The following MUC5B variants were observed in gnomAD, a reference collection of about 807,000 sequenced individuals.
MUC5B encodes mucin-5B.
Under a neutral mutation model 376.9 loss-of-function variants are expected in MUC5B, and 116 were observed. The observed-to-expected ratio is 0.31, with a 90% CI of 0.26 to 0.36. MUC5B has a LOEUF of 0.36. MUC5B is among the 10% of genes least tolerant of loss of function. MUC5B has a pLI of 1.00. For missense variants in MUC5B, 7,165 were observed against 7,769.9 expected (o/e 0.92, Z 2.93); for synonymous variants, 3,517 against 3,390.9 (o/e 1.04, Z -1.29).
In MUC5B at chr11:1,257,777, G is replaced by A; in HGVS notation, c.16450+67G>A. The A allele has an allele frequency of 6.7e-7, 1 of 1,482,354 alleles. No individual in the cohort carries two copies. Among genetic ancestry groups the A allele is most frequent in the South Asian group, 1.3e-5 (1 of 76,988 alleles). The allele number at this position is 1,482,354 out of a possible 1,614,324, so 91.8% of individuals were successfully genotyped here. On this transcript the variant is annotated intron_variant, in intron 41 of 48. Transcript: ENST00000529681. The surrounding 1 kb of genome is among the most constrained non-coding windows in gnomAD (Gnocchi z 8.9). ...GGGGACAGAGCCGGTGCCCACCAGG[G>A]GCCTGTGGGTTGGGCACAGGAGAGC...
chr11:1,244,732 G>A lies in MUC5B; in HGVS notation c.7852G>A (p.Ala2618Thr). 6.2e-7 allele frequency: 1 copy of A among 1,612,988 alleles called. No individual in the cohort carries two copies. ...VLTTTTTGFT[A>T]TPSSSPGTAR... ...GACTACCACAACCACGGGCTTCACA[G>A]CCACCCCCTCCTCCAGCCCAGGGAC... is the stretch of plus-strand genomic sequence containing the variant. Residue 2618 changes from alanine to threonine, a missense_variant, in exon 31 of 49, where the codon GCC becomes ACC. Transcript: ENST00000529681.
In MUC5B at chr11:1,252,317, T is replaced by C. The variant is rs748603040; in HGVS notation, c.14864-26T>C. ...CTTACCCATCTCTGGGAGTGGCTTA[T>C]CTTTCTATGGTGTTGTTCTTCACAG... On this transcript the variant is annotated intron_variant, in intron 31 of 48. Coordinates refer to ENST00000529681, the MANE Select transcript of MUC5B (RefSeq NM_002458.3). The C allele has an allele frequency of 2.6e-6, 4 of 1,520,584 alleles. No individual in the cohort carries two copies. In the East Asian group the frequency reaches 7.0e-5, roughly 27 times the overall value. The allele number at this position is 1,520,584 out of a possible 1,614,324, so 94.2% of individuals were successfully genotyped here.
chr11:1,238,005 G>A (rs902736335), intron 25 of MUC5B, among the ~76,000 whole-genome samples: 23 of 152,352 alleles, frequency 1.5e-4, no homozygotes, highest in Admixed American at 1.1e-3. Flanking sequence ...GGGCATACTC[G>A]CTCGTGGGAG....
rs770385310 is a variant in MUC5B, at chr11:1,243,758, C to A, written c.6878C>A (p.Thr2293Asn). The A allele has an allele frequency of 6.2e-7, 1 of 1,611,712 alleles. No homozygotes were observed. The highest frequency in any genetic ancestry group is 8.5e-7 in the Non-Finnish European group (1 of 1,179,654). ...ACGGCCACACCCAGCAAGACCCGCA[C>A]CTCGACCCTGCTGCCCAGCAGCCCC... ...TATATPSKTR[T>N]STLLPSSPTS... Residue 2293 changes from threonine to asparagine, a missense_variant, in exon 31 of 49, where the codon ACC becomes AAC. By Grantham distance (65) the Thr-to-Asn change is moderately conservative (BLOSUM62 0). Around this residue, in one of 31 missense-constraint regions of MUC5B, gnomAD observed 26 missense variants for 36.2 expected, o/e 0.72. Coordinates refer to ENST00000529681, the MANE Select transcript of MUC5B (RefSeq NM_002458.3).
intron 7 of MUC5B, 48 bp downstream of exon 7, chr11:1,227,829 T>G (rs1249263525): frequency 1.5e-6 from 1 of 682,004 alleles, no homozygotes; most frequent in African/African-American, 1.8e-5. Context: ...GGCCTCCAGG[T>G]CCAGGGGGAG....
chr11:1,250,679 G>A lies in MUC5B; in HGVS notation c.13799G>A (p.Gly4600Asp). 6.2e-7 allele frequency: 1 copy of A among 1,611,626 alleles called. No homozygotes were observed. Among genetic ancestry groups the A allele is most frequent in the Non-Finnish European group, 8.5e-7 (1 of 1,178,792 alleles). ...AAAGTGCCGACTACCACAACCACGGGCTTCACAGCCACCCCCTCCTCCAGC... is the reference window on the plus strand; with the variant it reads ...AAAGTGCCGACTACCACAACCACGGACTTCACAGCCACCCCCTCCTCCAGC... ...TTKVPTTTTT[G>D]FTATPSSSPG... Residue 4600 changes from glycine (G) to aspartate (D), a missense_variant, in exon 31 of 49, where the codon GGC (glycine) becomes GAC (aspartate). Transcript: ENST00000529681.
At chr11:1,235,005 T>C (rs1564935149) in intron 21 of MUC5B, 80 bp from the exon 22 acceptor site, 1 of 1,512,596 alleles carries the variant, frequency 6.6e-7, no homozygotes. Context: ...CGTGCTGACC[T>C]GCACAGGCCT....
At chr11:1,240,830 C>A in intron 30 of MUC5B, 21 bp from the exon 31 acceptor site, 2 of 1,587,718 alleles carry the variant, frequency 1.3e-6, no homozygotes, top group South Asian at 2.3e-5. Context: ...AGCCAGGACC[C>A]CTTTCCCATG....
At chr11:1,226,462 C>A (rs1268393713) in intron 3 of MUC5B, 153 bp from the exon 4 acceptor site, 9 of 1,300,134 alleles carry the variant, frequency 6.9e-6, no homozygotes, top group Non-Finnish European at 8.5e-6. Context: ...GGTCTTGGAG[C>A]AAAACAGACG....
rs1861899242 is a variant in MUC5B at position 1,226,941 on chromosome 11, A to T, written c.461+65A>T. 1.5e-5 allele frequency: 13 copies of T among 842,688 alleles called. No individual in the cohort carries two copies. In the South Asian group the frequency reaches 1.7e-4, roughly 11 times the overall value. 52.2% of individuals were successfully genotyped at this position (842,688 alleles called of 1,614,324 possible). A position where few individuals can be genotyped will look rare whatever the true frequency, so the allele number is the denominator to read the frequency against. On this transcript the variant is annotated intron_variant, in intron 4 of 48. Transcript: ENST00000529681. ...CACAGTGTGACCTCCCCACACGGCC[A>T]TGTCTGACCTGGGCCAGGGCTGGGG...
In MUC5B at chr11:1,246,352, C is replaced by T. The variant is rs369348735; in HGVS notation, c.9472C>T (p.Pro3158Ser). The change falls in exon 31 of 49, where the codon CCA (proline) becomes TCA (serine). Residue 3158 changes from proline (P) to serine (S), a missense_variant. Coordinates refer to ENST00000529681, the MANE Select transcript of MUC5B (RefSeq NM_002458.3). ...TGPTATPSST[P>S]GTTWILTEPS... ...CCCCACGGCCACCCCGTCCTCCACC[C>T]CAGGGACCACCTGGATCCTCACAGA... The T allele has an allele frequency of 1.4e-5, 22 of 1,604,118 alleles. No individual in the cohort carries two copies. Among genetic ancestry groups the T allele is most frequent in the Non-Finnish European group, 1.8e-5 (21 of 1,173,520 alleles).
intron 44 of MUC5B, 80 bp from the exon 45 acceptor site, chr11:1,259,676 G>C: frequency 2.1e-6 from 3 of 1,445,156 alleles, no homozygotes; most frequent in East Asian, 2.3e-5. Flanking sequence ...GACCACTGGG[G>C]TGTAGACAGG....
Position 1,240,071 on chromosome 11 carries a change from G to A in MUC5B, c.3755G>A (p.Cys1252Tyr), listed in dbSNP as rs781631190. 1 of 1,568,140 alleles carries A rather than the reference G, an allele frequency of 6.4e-7. No individual in the cohort carries two copies. The highest frequency in any genetic ancestry group is 1.8e-5 in the Admixed American group (1 of 55,684). Residue 1252 changes from cysteine (C) to tyrosine (Y), a missense_variant, in exon 29 of 49, where the codon TGC becomes TAC. Transcript: ENST00000529681. Reference protein sequence around the residue: ...SCNCTPSGIQCAHSLEACTCT... With the variant: ...SCNCTPSGIQYAHSLEACTCT... ...AACTGCACACCCAGTGGCATCCAGT[G>A]CGCTCACAGCCTTGAGGGTAAGGAA...
Position 1,246,478 on chromosome 11 carries a change from G to T in MUC5B, c.9598G>T (p.Ala3200Ser), listed in dbSNP as rs867241477. ...AGTLKVLTST[A>S]TTPTVISSRA... ...CACCCTCAAAGTGCTGACCAGCACG[G>T]CCACCACACCCACAGTCATCAGCTC... The change falls in exon 31 of 49, where the codon GCC becomes TCC. Residue 3200 changes from alanine to serine, a missense_variant. Ala to Ser is a moderately conservative substitution (Grantham distance 99). Transcript: ENST00000529681. 1.2e-6 allele frequency: 2 copies of T among 1,613,000 alleles called. No individual in the cohort carries two copies. The highest frequency in any genetic ancestry group is 2.7e-5 in the African/African-American group (2 of 74,674).
Position 1,246,321 on chromosome 11 carries a change from C to G in MUC5B, c.9441C>G (p.Ala3147=). 1 of 1,601,940 alleles carries G rather than the reference C, an allele frequency of 6.2e-7. No individual in the cohort carries two copies. The highest frequency in any genetic ancestry group is 8.5e-7 in the Non-Finnish European group (1 of 1,171,980). ...ELTTAATTTA[A]TGPTATPSST... is the part of the protein sequence containing the mutation. ...CCACAGCAGCCACTACAACTGCAGC[C>G]ACTGGCCCCACGGCCACCCCGTCCT... The change falls in exon 31 of 49, where the codon GCC becomes GCG. Residue 3147 remains alanine, a synonymous_variant. Coordinates refer to ENST00000529681, the MANE Select transcript of MUC5B (RefSeq NM_002458.3).
At position 1,246,474 on chromosome 11, in the gene MUC5B, C is replaced by T. The variant is rs1272576333; in HGVS notation, c.9594C>T (p.Ser3198=). 1.9e-6 allele frequency: 3 copies of T among 1,613,570 alleles called. No homozygotes were observed. Among genetic ancestry groups the T allele is most frequent in the Admixed American group, 3.3e-5 (2 of 59,994 alleles). ...ATAGTLKVLT[S]TATTPTVISS... ...CTGGCACCCTCAAAGTGCTGACCAG[C>T]ACGGCCACCACACCCACAGTCATCA... Residue 3198 remains serine, a synonymous_variant, in exon 31 of 49, where the codon AGC becomes AGT. Transcript: ENST00000529681.
At position 1,233,178 on chromosome 11, in the gene MUC5B, G is replaced by C; in HGVS notation, c.2231G>C (p.Gly744Ala). Residue 744 changes from glycine to alanine, a missense_variant, in exon 18 of 49, where the codon GGC becomes GCC. By Grantham distance (60) the Gly-to-Ala change is moderately conservative (BLOSUM62 0). Transcript: ENST00000529681. ...GCGGGCACCTTCCTCAATGACGCGG[G>C]CGCCTGTGTGCCCGCCCAGGAGTGC... ...CPAGTFLNDA[G>A]ACVPAQECPC... is the part of the protein sequence containing the mutation. The C allele has an allele frequency of 6.2e-7, 1 of 1,604,456 alleles. No individual in the cohort carries two copies. The highest frequency in any genetic ancestry group is 8.5e-7 in the Non-Finnish European group (1 of 1,178,674).
rs139403034 is a variant in MUC5B at position 1,252,611 on chromosome 11, C to T, written c.15045+87C>T. 0.011 allele frequency: 15,351 copies of T among 1,409,508 alleles called. 110 individuals are homozygous for T. Among genetic ancestry groups the T allele is most frequent in the Non-Finnish European group, 0.013 (13,979 of 1,067,142 alleles). The allele number at this position is 1,409,508 out of a possible 1,614,324, so 87.3% of individuals were successfully genotyped here. ...CACAGCCACAGTCCAGCTCCCGAGG[C>T]CCGTCTCAGTGACCCCGCCGCCAGT... On this transcript the variant is annotated intron_variant, in intron 32 of 48. Transcript: ENST00000529681.
chr11:1,223,422 G>T (rs1326321307), intron 1 of MUC5B: 1 of 660,272 alleles, frequency 1.5e-6, no homozygotes, highest in Non-Finnish European at 2.8e-6. Context: ...CCAGGAGAAG[G>T]TGGGCCCCTG....
Sources: gnomAD v4.1 joint callset for allele counts (sites outside exome capture counted in the v4.1 genomes callset) on GRCh38, gnomAD v4.1.1 for gene constraint, gnomAD v4.1.1 regional missense constraint, Gnocchi (gnomAD v3.1) non-coding constraint, MANE v1.5 for transcripts, NCBI Gene and HGNC (gene_info 2026-07-23, HGNC 2026-07-21) for gene names.